The following CIMIP7 variants were observed in gnomAD, a reference collection of about 807,000 sequenced individuals.
CIMIP7 encodes the protein ciliary microtubule inner protein 7.
the CIMIP7 span, chr3:49,190,048 C>G: frequency 6.2e-7 from 1 of 1,613,750 alleles, no homozygotes; most frequent in South Asian, 1.1e-5. Context: ...AGGAACACTG[C>G]TGGAGGCTGG....
chr3:49,187,678 A>G, the CIMIP7 span, among the ~76,000 whole-genome samples: 3 of 152,256 alleles, frequency 2.0e-5, no homozygotes, highest in Non-Finnish European at 4.4e-5. Flanking sequence ...CAAAAATTTT[A>G]CAAACCAAAG....
chr3:49,186,552 C>T, the CIMIP7 span, among the ~76,000 whole-genome samples: 14 of 151,948 alleles, frequency 9.2e-5, no homozygotes, highest in East Asian at 1.9e-4. Flanking sequence ...TACAGGCGCC[C>T]GCCACCATGC....
the CIMIP7 span, among the ~76,000 whole-genome samples, chr3:49,179,858 C>T: frequency 6.6e-6 from 1 of 152,236 alleles, no homozygotes. Flanking sequence ...AATAAACAGG[C>T]TGGGCACGGT....
chr3:49,178,071 C>T, the CIMIP7 span: 1 of 1,555,408 alleles, frequency 6.4e-7, no homozygotes, highest in Admixed American at 1.8e-5. Flanking sequence ...CGGTATGGGC[C>T]CTTGGCCCAC....
At chr3:49,190,021 G>C in the CIMIP7 span, 16 of 1,610,838 alleles carry the variant, frequency 9.9e-6, no homozygotes, top group East Asian at 3.6e-4. Context: ...GGTCTGCCTT[G>C]TACCTGACAT....
At chr3:49,186,894 C>G in the CIMIP7 span, among the ~76,000 whole-genome samples, 1 of 152,138 alleles carries the variant, frequency 6.6e-6, no homozygotes, top group Non-Finnish European at 1.5e-5. Context: ...TAAAAGAAAT[C>G]TCTATTATTT....
At chr3:49,182,246 C>A in the CIMIP7 span, among the ~76,000 whole-genome samples, 1 of 152,302 alleles carries the variant, frequency 6.6e-6, no homozygotes, top group South Asian at 2.1e-4. Flanking sequence ...CTTTTATGCT[C>A]TTATCTGGCC....
At chr3:49,185,264 GA>G in the CIMIP7 span, among the ~76,000 whole-genome samples, 192 of 140,116 alleles carry the variant, frequency 1.4e-3, no homozygotes, top group Non-Finnish European at 2.2e-3. Flanking sequence ...CTGTCTTAAA[GA>G]AAAAAAAAAA....
At chr3:49,177,704 G>C in the CIMIP7 span, 1 of 1,610,314 alleles carries the variant, frequency 6.2e-7, no homozygotes, top group Non-Finnish European at 8.5e-7. Context: ...AGGTAGTGCT[G>C]CAGCAGCTTG....
At chr3:49,191,659 C>A in the CIMIP7 span, 7 of 1,464,056 alleles carry the variant, frequency 4.8e-6, no homozygotes, top group African/African-American at 5.5e-5. Flanking sequence ...AAATGAAAAC[C>A]TTTTCACTTC....
At chr3:49,177,854 C>A in the CIMIP7 span, 2 of 1,613,472 alleles carry the variant, frequency 1.2e-6, no homozygotes, top group Non-Finnish European at 1.7e-6. Context: ...GAAGGCTGGA[C>A]CTGCACAAAG....
At chr3:49,181,231 A>G in the CIMIP7 span, among the ~76,000 whole-genome samples, 1 of 150,890 alleles carries the variant, frequency 6.6e-6, no homozygotes, top group Non-Finnish European at 1.5e-5. Flanking sequence ...AATCCCAGCT[A>G]CTCGAAAGGC....
At chr3:49,179,362 T>C in the CIMIP7 span, among the ~76,000 whole-genome samples, 1 of 152,220 alleles carries the variant, frequency 6.6e-6, no homozygotes, top group African/African-American at 2.4e-5. Context: ...TGCTGTCTGC[T>C]TAGCAGCCAG....
At chr3:49,178,349 G>A in the CIMIP7 span, 6 of 794,316 alleles carry the variant, frequency 7.6e-6, no homozygotes, top group East Asian at 2.7e-5. Flanking sequence ...GTTTGTGGGG[G>A]AAGACAGCCA....
At chr3:49,189,948 TG>T in the CIMIP7 span, 2 of 1,043,460 alleles carry the variant, frequency 1.9e-6, no homozygotes, top group Non-Finnish European at 3.0e-6. Context: ...ATGGAAGGGC[TG>T]GGATGATGCT....
the CIMIP7 span, chr3:49,190,089 C>T: frequency 2.6e-4 from 411 of 1,611,452 alleles, 4 homozygotes; most frequent in East Asian, 7.7e-3. Flanking sequence ...TTCTCTAGCA[C>T]TTTCACTCTT....
chr3:49,181,214 C>T, the CIMIP7 span, among the ~76,000 whole-genome samples: 4 of 151,382 alleles, frequency 2.6e-5, 1 homozygote, highest in South Asian at 8.4e-4. Context: ...TGGTGGTGGG[C>T]GCCTGTAATC....
At chr3:49,177,967 G>A in the CIMIP7 span, 7 of 1,613,554 alleles carry the variant, frequency 4.3e-6, no homozygotes, top group South Asian at 7.7e-5. Context: ...TATCTCACAG[G>A]GTGCCCAGCG....
At chr3:49,178,254 T>C in the CIMIP7 span, among the ~76,000 whole-genome samples, 16 of 152,304 alleles carry the variant, frequency 1.1e-4, no homozygotes, top group Middle Eastern at 3.4e-3. Context: ...CACAGGATAC[T>C]TGCATATTGT....
Sources: gnomAD v4.1 joint callset for allele counts (sites outside exome capture counted in the v4.1 genomes callset) on GRCh38, gnomAD v4.1.1 for gene constraint, MANE v1.5 for transcripts, NCBI Gene and HGNC (gene_info 2026-07-23, HGNC 2026-07-21) for gene names.